MAN2C1: variants seen among roughly 807,000 people sequenced by gnomAD.
The protein encoded by MAN2C1 is alpha-mannosidase 2C1.
Under a neutral mutation model 126.9 loss-of-function variants are expected in MAN2C1, and 111 were observed. The observed-to-expected ratio is 0.87, with a 90% confidence interval of 0.75 to 1.02. The LOEUF (loss-of-function observed/expected upper bound fraction) is 1.02. Ranked by LOEUF, MAN2C1 falls within the 50% of genes least tolerant of loss-of-function variation. The pLI, the probability that MAN2C1 is intolerant of heterozygous loss-of-function variation, is 0.00. For missense variants in MAN2C1, 1,363 were observed against 1,364.4 expected (o/e 1.00, Z 0.02); for synonymous variants, 567 against 561.5 (o/e 1.01, Z -0.14).
rs753780967 is a variant in MAN2C1 at position 75,361,804 on chromosome 15, C to T, written c.1101+51G>A. 36 of 1,598,504 alleles carry T rather than the reference C, an allele frequency of 2.3e-5. No homozygotes were observed. In the Admixed American group the frequency reaches 2.7e-4, roughly 12 times the overall value. On this transcript the variant is annotated intron_variant, in intron 9 of 25. Transcript: ENST00000267978. The surrounding 1 kb of genome is among the most constrained non-coding windows in gnomAD (Gnocchi z 5.0). ...GCCTCAGCCCCTCAGCACTCCAAGT[C>T]GAGCGCCAGCCCCACTCGCCCACAG...
At chr15:75,365,186 G>A (rs1424617710) in intron 4 of MAN2C1, among the ~76,000 whole-genome samples, 3 of 152,102 alleles carry the variant, frequency 2.0e-5, no homozygotes, top group Non-Finnish European at 4.4e-5. Flanking sequence ...TTCCTCAGTG[G>A]AGTACCCAGG....
chr15:75,364,518 C>T lies in MAN2C1; in HGVS notation c.570G>A (p.Val190=). 1 of 1,602,044 alleles carries T rather than the reference C, an allele frequency of 6.2e-7. No homozygotes were observed. Among genetic ancestry groups the T allele is most frequent in the Non-Finnish European group, 8.5e-7 (1 of 1,174,244 alleles). Residue 190 remains valine, a synonymous_variant, in exon 5 of 26, where the codon GTG becomes GTA. Coordinates refer to ENST00000267978, the MANE Select transcript of MAN2C1 (RefSeq NM_006715.4). ...VFHRDVHMLL[V]DLELLLGIAK... is the part of the protein sequence containing the mutation. ...CTATGCCCAGCAGCAGCTCCAGATC[C>T]ACCAGGAGCATGTGGACATCCCGGT...
chr15:75,360,222 G>A lies in MAN2C1; in HGVS notation c.1585-11C>T, dbSNP rs369860342. 73 of 1,606,202 alleles carry A rather than the reference G, an allele frequency of 4.5e-5. No homozygotes were observed. Among genetic ancestry groups the A allele is most frequent in the Middle Eastern group, 1.6e-4 (1 of 6,082 alleles). On this transcript the variant is annotated splice_polypyrimidine_tract_variant and intron_variant, in intron 13 of 25. Transcript: ENST00000267978. ...GTTCCCCTTCTTGATCTGAGCCCAG[G>A]ATGGGAAGATTAGTCTGGAGCCTGC... is the stretch of plus-strand genomic sequence containing the variant.
At position 75,367,551 on chromosome 15, in the gene MAN2C1, T is replaced by G. The variant is rs1274874719; in HGVS notation, c.311A>C (p.Asp104Ala). Residue 104 changes from aspartate (D) to alanine (A), a missense_variant, in exon 3 of 26, where the codon GAT (aspartate) becomes GCT (alanine). Transcript: ENST00000267978. ...ATCACGCCACACCAGACCTTCTCCATCACTTTCCCAGCAAAGGTGAACTTC... is the reference window on the plus strand; with the variant it reads ...ATCACGCCACACCAGACCTTCTCCAGCACTTTCCCAGCAAAGGTGAACTTC... Reference protein sequence around the residue: ...GQEVHLCWESDGEGLVWRDGE... With the variant: ...GQEVHLCWESAGEGLVWRDGE... 6.2e-7 allele frequency: 1 copy of G among 1,614,158 alleles called. No individual in the cohort carries two copies. The highest frequency in any genetic ancestry group is 2.2e-5 in the East Asian group (1 of 44,886).
At chr15:75,359,561 TG>T in intron 16 of MAN2C1, 58 bp downstream of exon 16, 1 of 1,596,840 alleles carries the variant, frequency 6.3e-7, no homozygotes, top group Non-Finnish European at 8.5e-7. Context: ...ATCCCAGGCC[TG>T]ATCTGTCTGG....
intron 6 of MAN2C1, among the ~76,000 whole-genome samples, chr15:75,363,554 C>G (rs1403069213): frequency 6.6e-6 from 1 of 152,104 alleles, no homozygotes; most frequent in East Asian, 1.9e-4. Flanking sequence ...GCCTGTAATC[C>G]CAGCACTTTG....
chr15:75,356,296 C>G lies in MAN2C1; in HGVS notation c.2886+5G>C. ...ACCCCGTCCCCAGCACGTCCCACCC[C>G]TTGCCTGCTTGACGGTCTCCAATAC... On this transcript the variant is annotated splice_donor_5th_base_variant and intron_variant, in intron 24 of 25. Coordinates refer to ENST00000267978, the MANE Select transcript of MAN2C1 (RefSeq NM_006715.4). The surrounding 1 kb of genome is among the most constrained non-coding windows in gnomAD (Gnocchi z 5.8). The G allele has an allele frequency of 1.9e-6, 3 of 1,611,116 alleles. No homozygotes were observed. The highest frequency in any genetic ancestry group is 1.1e-5 in the South Asian group (1 of 90,712).
At chr15:75,368,304 G>T in intron 1 of MAN2C1, 106 bp from the exon 2 acceptor site, 7 of 1,492,282 alleles carry the variant, frequency 4.7e-6, no homozygotes, top group Non-Finnish European at 6.3e-6. Context: ...CGCCAAGAGG[G>T]CTGCCTGGCC....
Position 75,361,988 on chromosome 15 carries a change from G to A in MAN2C1, c.1009-41C>T. 6.7e-6 allele frequency: 10 copies of A among 1,498,724 alleles called. No individual in the cohort carries two copies. Among genetic ancestry groups the A allele is most frequent in the Non-Finnish European group, 9.3e-6 (10 of 1,075,988 alleles). The allele number at this position is 1,498,724 out of a possible 1,614,324, so 92.8% of individuals were successfully genotyped here. A position where few individuals can be genotyped will look rare whatever the true frequency, so the allele number is the denominator to read the frequency against. On this transcript the variant is annotated intron_variant, in intron 8 of 25. Coordinates refer to ENST00000267978, the MANE Select transcript of MAN2C1 (RefSeq NM_006715.4). The surrounding 1 kb of genome is among the most constrained non-coding windows in gnomAD (Gnocchi z 5.0). ...GTGGGAGGCAGCCCAGGTCAGCGCT[G>A]GACGGGGAGCAGGCAGGCGCTCAGG...
rs762828466 is a variant in MAN2C1, at chr15:75,362,298, C to T, written c.1008+45G>A. ...GAGGGCGGGGCTACCTGAGGGAAGG[C>T]TGTTGTCATACAGTTCAAGGCTGAG... is the stretch of plus-strand genomic sequence containing the variant. On this transcript the variant is annotated intron_variant, in intron 8 of 25. Coordinates refer to ENST00000267978, the MANE Select transcript of MAN2C1 (RefSeq NM_006715.4). This position sits in a 1 kb window ranked among gnomAD's most constrained non-coding sequence, Gnocchi z 4.5. 6.5e-7 allele frequency: 1 copy of T among 1,549,616 alleles called. No homozygotes were observed. Among genetic ancestry groups the T allele is most frequent in the Admixed American group, 1.7e-5 (1 of 59,650 alleles).
chr15:75,363,175 C>A, intron 6 of MAN2C1: 1 of 457,396 alleles, frequency 2.2e-6, no homozygotes, highest in South Asian at 1.5e-5. Flanking sequence ...GGCTGCAGTT[C>A]CTCCCTTACC....
At chr15:75,363,611 G>C (rs2072519393) in intron 6 of MAN2C1, 2 of 329,354 alleles carry the variant, frequency 6.1e-6, no homozygotes, top group South Asian at 4.9e-5. Flanking sequence ...TTTGAGACCA[G>C]CCTGGCCAAC....
In MAN2C1 at chr15:75,364,056, G is replaced by A. The variant is rs1184801720; in HGVS notation, c.733C>T (p.His245Tyr). Residue 245 changes from histidine to tyrosine, a missense_variant, in exon 6 of 26, where the codon CAT (histidine) becomes TAT (tyrosine). Transcript: ENST00000267978. The part of the protein sequence containing the change: ...QALASRFFGQ[H>Y]GGESQHTIHA... ...ATGGTGTGTTGGCTTTCACCCCCAT[G>A]TTGGCCAAAGAACCTGGAGGCCAGG... The A allele has an allele frequency of 1.2e-6, 2 of 1,614,186 alleles. No homozygotes were observed. Among genetic ancestry groups the A allele is most frequent in the Admixed American group, 1.7e-5 (1 of 60,022 alleles).
At position 75,358,524 on chromosome 15, in the gene MAN2C1, T is replaced by A. The variant is rs370074176; in HGVS notation, c.2341A>T (p.Ser781Cys). The A allele has an allele frequency of 3.1e-6, 5 of 1,613,360 alleles. No individual in the cohort carries two copies. In the South Asian group the frequency reaches 3.3e-5, roughly 11 times the overall value. ...AGCACAACCTCCTGGCTAAGCCGAC[T>A]GTTGGGGCTGATCTGTAGCAAGAAC... ...AWFLLQISPNSRLSQEVVLDV... is the reference protein window; with the variant it reads ...AWFLLQISPNCRLSQEVVLDV... Residue 781 changes from serine to cysteine, a missense_variant, in exon 20 of 26, where the codon AGT becomes TGT. By Grantham distance (112) the Ser-to-Cys change is moderately radical (BLOSUM62 -1). Coordinates refer to ENST00000267978, the MANE Select transcript of MAN2C1 (RefSeq NM_006715.4).
Position 75,358,239 on chromosome 15 carries a change from T to G in MAN2C1, c.2509A>C (p.Thr837Pro), listed in dbSNP as rs1204750939. 1 of 1,614,166 alleles carries G rather than the reference T, an allele frequency of 6.2e-7. No homozygotes were observed. The highest frequency in any genetic ancestry group is 8.5e-7 in the Non-Finnish European group (1 of 1,180,024). ...EIQFGHLQRP[T>P]HYNTSWDWAR... ...CAGTCCCAAGAGGTATTGTAGTGGG[T>G]AGGTCGCTGCAGGTGCCCAAACTGG... The change falls in exon 21 of 26, where the codon ACC (threonine) becomes CCC (proline). Residue 837 changes from threonine (T) to proline (P), a missense_variant. Coordinates refer to ENST00000267978, the MANE Select transcript of MAN2C1 (RefSeq NM_006715.4).
intron 5 of MAN2C1, 98 bp from the exon 6 acceptor site, chr15:75,364,286 C>A: frequency 7.3e-7 from 1 of 1,379,304 alleles, no homozygotes. Flanking sequence ...CCCCTGACCC[C>A]CAACCCTTTT....
chr15:75,357,781 G>T, intron 21 of MAN2C1: 1 of 183,110 alleles, frequency 5.5e-6, no homozygotes, highest in Non-Finnish European at 1.2e-5. Context: ...CACCACACCC[G>T]GCTAAATTTT....
rs778146548 is a variant in MAN2C1, at chr15:75,368,559, G to A, written c.25C>T (p.His9Tyr). MAAAPALK[H>Y]WRTTLERVEK... ...ACCCGCTCCAGCGTGGTGCGCCAGT[G>A]CTTCAAGGCCGGCGCAGCCGCCATC... The change falls in exon 1 of 26, where the codon CAC becomes TAC. Residue 9 changes from histidine (H) to tyrosine (Y), a missense_variant. By Grantham distance (83) the His-to-Tyr change is moderately conservative (BLOSUM62 2). Around this residue, in one of 3 missense-constraint regions of MAN2C1, gnomAD observed 628 missense variants for 609.8 expected, o/e 1.03. Transcript: ENST00000267978. 6 of 1,550,096 alleles carry A rather than the reference G, an allele frequency of 3.9e-6. No homozygotes were observed. The East Asian group carries it at 7.3e-5, about 19-fold the overall frequency.
intron 18 of MAN2C1, 62 bp downstream of exon 18, chr15:75,358,997 G>C: frequency 6.3e-7 from 1 of 1,599,708 alleles, no homozygotes; most frequent in Non-Finnish European, 8.5e-7. Context: ...GGCAAGGGGA[G>C]AGAGGAAATG....
Sources: allele counts gnomAD v4.1 joint callset (sites outside exome capture counted in the v4.1 genomes callset), GRCh38; gene constraint gnomAD v4.1.1; regional missense constraint gnomAD v4.1.1; non-coding constraint Gnocchi (gnomAD v3.1); transcripts MANE v1.5; gene names NCBI Gene and HGNC (gene_info 2026-07-23, HGNC 2026-07-21).